Variants in EYS observed in about 807,000 individuals in gnomAD.
The protein encoded by EYS is EGF-like photoreceptor maintenance factor.
EYS carries 250 observed loss-of-function variants against 282.1 expected under a neutral mutation model. The ratio of observed to expected loss-of-function variants is 0.89; its 90% CI spans 0.80 to 0.98. EYS has a LOEUF of 0.98. EYS is among the 50% of genes least tolerant of loss of function. EYS has a pLI of 0.00. For missense variants in EYS, 4,016 were observed against 3,709.0 expected (o/e 1.08, Z -2.15); for synonymous variants, 1,355 against 1,282.9 (o/e 1.06, Z -1.20).
At chr6:63,833,531 T>G (rs1312805277) in intron 36 of EYS, among the ~76,000 whole-genome samples, 2 of 152,124 alleles carry the variant, frequency 1.3e-5, no homozygotes, top group Non-Finnish European at 2.9e-5. Flanking sequence ...CAAGGAGAAC[T>G]ATAAACCACT....
chr6:64,016,996 A>G (rs1768924468), intron 33 of EYS, among the ~76,000 whole-genome samples: 1 of 151,672 alleles, frequency 6.6e-6, no homozygotes, highest in Admixed American at 6.6e-5. Flanking sequence ...TAATCTTTCC[A>G]TCAATTGCAC....
intron 26 of EYS, among the ~76,000 whole-genome samples, chr6:64,570,181 C>A (rs1397719265): frequency 6.6e-6 from 1 of 152,180 alleles, no homozygotes; most frequent in Non-Finnish European, 1.5e-5. Context: ...AATTTCATAT[C>A]CAGCCAAACT....
intron 5 of EYS, among the ~76,000 whole-genome samples, chr6:65,421,187 GT>G (rs888982204): frequency 3.3e-5 from 5 of 150,074 alleles, no homozygotes; most frequent in Admixed American, 6.7e-5. Context: ...ATACTAGGCT[GT>G]TTTTTTTTCA....
intron 22 of EYS, among the ~76,000 whole-genome samples, chr6:64,719,358 A>C (rs1338722669): frequency 6.6e-6 from 1 of 152,218 alleles, no homozygotes; most frequent in Non-Finnish European, 1.5e-5. Context: ...TTATGGGAAC[A>C]ATAGAAAATG....
At chr6:64,852,636 C>T (rs770451704) in intron 19 of EYS, among the ~76,000 whole-genome samples, 7 of 152,056 alleles carry the variant, frequency 4.6e-5, no homozygotes, top group Non-Finnish European at 8.8e-5. Flanking sequence ...TGAGGTTATA[C>T]TGAAATAAGA....
In EYS at chr6:64,375,306, G is replaced by A. The variant is rs1240881575; in HGVS notation, c.6078+13384C>T. 3.3e-5 allele frequency among the ~76,000 whole-genome samples: 5 copies of A among 152,284 alleles called. No homozygotes were observed. In the East Asian group the frequency reaches 9.6e-4, roughly 29 times the overall value. Reference sequence around the variant, plus strand: ...CATTTTCTTCATCCACTTTACAGAAGCTGTCACTTGACTATATCGCAATGC... The same window carrying A: ...CATTTTCTTCATCCACTTTACAGAAACTGTCACTTGACTATATCGCAATGC... On this transcript the variant is annotated intron_variant, in intron 29 of 42. Transcript: ENST00000503581.
At chr6:64,112,921 G>C (rs1211072996) in intron 31 of EYS, among the ~76,000 whole-genome samples, 1 of 151,724 alleles carries the variant, frequency 6.6e-6, no homozygotes, top group African/African-American at 2.4e-5. Flanking sequence ...CTATCCCCCA[G>C]AGATTGTAGT....
chr6:64,999,633 C>T (rs1771395840), intron 13 of EYS, among the ~76,000 whole-genome samples: 1 of 152,166 alleles, frequency 6.6e-6, no homozygotes, highest in Non-Finnish European at 1.5e-5. Context: ...GAGACCCTAG[C>T]AGGCAGACAC....
chr6:64,024,072 G>T (rs939306447), intron 33 of EYS, among the ~76,000 whole-genome samples: 7 of 152,194 alleles, frequency 4.6e-5, no homozygotes, highest in Admixed American at 1.3e-4. Context: ...GCCACCCCCT[G>T]CTCCACAGCG....
chr6:64,791,474 G>C (rs1033906067), intron 22 of EYS, among the ~76,000 whole-genome samples: 2 of 151,606 alleles, frequency 1.3e-5, no homozygotes, highest in Admixed American at 1.3e-4. Flanking sequence ...TATCTAAAAG[G>C]CAACTTTATG....
Position 64,653,236 on chromosome 6 carries a change from C to T in EYS, c.3444-26991G>A, listed in dbSNP as rs532256281. ...GCTACTAGAGAGGAAAGGAGCTTTC[C>T]CTTACAGTTCCCAGCAAAAAATCAA... On this transcript the variant is annotated intron_variant, in intron 22 of 42. Coordinates refer to ENST00000503581, the MANE Select transcript of EYS (RefSeq NM_001142800.2). 7.9e-5 allele frequency among the ~76,000 whole-genome samples: 12 copies of T among 152,216 alleles called. No individual in the cohort carries two copies. In the East Asian group the frequency reaches 2.3e-3, roughly 29 times the overall value.
rs1328058227 is a variant in EYS, at chr6:65,034,130, C to A, written c.2137+23484G>T. Reference sequence around the variant, plus strand: ...GTAGCCCCTTTCTTTTGGCTAATTTCTCCCCTTTGGAACAGCAATGTTTAC... The same window carrying A: ...GTAGCCCCTTTCTTTTGGCTAATTTATCCCCTTTGGAACAGCAATGTTTAC... On this transcript the variant is annotated intron_variant, in intron 13 of 42. Transcript: ENST00000503581. Among the ~76,000 whole-genome samples, 3 of 152,286 alleles carry A rather than the reference C, an allele frequency of 2.0e-5. No individual in the cohort carries two copies. The East Asian group carries it at 5.8e-4, about 29-fold the overall frequency.
chr6:65,571,117 C>A (rs950764491), intron 2 of EYS, among the ~76,000 whole-genome samples: 9 of 152,022 alleles, frequency 5.9e-5, no homozygotes, highest in Admixed American at 2.6e-4. Flanking sequence ...TCTAGGCTTT[C>A]AGCTGGGGCA....
At chr6:63,920,021 T>C (rs1010570561) in intron 35 of EYS, among the ~76,000 whole-genome samples, 1 of 152,246 alleles carries the variant, frequency 6.6e-6, no homozygotes, top group Admixed American at 6.5e-5. Context: ...TTATTTTTGG[T>C]TACCAATGAT....
intron 33 of EYS, among the ~76,000 whole-genome samples, chr6:64,032,098 C>G (rs572607483): frequency 1.3e-5 from 2 of 152,284 alleles, no homozygotes; most frequent in African/African-American, 4.8e-5. Context: ...GAGGAATGAA[C>G]AACTCCAGAC....
intron 26 of EYS, among the ~76,000 whole-genome samples, chr6:64,556,031 T>A (rs1765223212): frequency 6.6e-6 from 1 of 152,072 alleles, no homozygotes; most frequent in South Asian, 2.1e-4. Context: ...TCTCACATAA[T>A]GCTAGTGAGA....
Position 64,963,582 on chromosome 6 carries a change from C to T in EYS, c.2260-17668G>A, listed in dbSNP as rs760155004. On this transcript the variant is annotated intron_variant, in intron 14 of 42. Coordinates refer to ENST00000503581, the MANE Select transcript of EYS (RefSeq NM_001142800.2). ...CTCATTGATGCAATAAATGTGTGCA[C>T]GATAGCATAATTTGGCCTATGGCTT... 1.1e-4 allele frequency among the ~76,000 whole-genome samples: 17 copies of T among 152,164 alleles called. 1 individual carries two copies. Among genetic ancestry groups the T allele is most frequent in the Middle Eastern group, 3.4e-3 (1 of 294 alleles).
chr6:64,294,210 C>A (rs1385547490), intron 30 of EYS, among the ~76,000 whole-genome samples: 1 of 152,120 alleles, frequency 6.6e-6, no homozygotes, highest in African/African-American at 2.4e-5. Flanking sequence ...CAAATAAAAA[C>A]CAAAATACCA....
At chr6:64,246,937 T>C (rs1318797586) in intron 30 of EYS, among the ~76,000 whole-genome samples, 2 of 152,184 alleles carry the variant, frequency 1.3e-5, no homozygotes, top group Non-Finnish European at 2.9e-5. Context: ...ACTAATGCTA[T>C]ATTTTTACTT....
Sources: gnomAD v4.1 joint callset for allele counts (sites outside exome capture counted in the v4.1 genomes callset) on GRCh38, gnomAD v4.1.1 for gene constraint, MANE v1.5 for transcripts, NCBI Gene and HGNC (gene_info 2026-07-23, HGNC 2026-07-21) for gene names.